Variants in MAP2K5 observed in about 807,000 individuals in gnomAD.
The protein encoded by MAP2K5 is dual specificity mitogen-activated protein kinase kinase 5.
Under a neutral mutation model 83.1 loss-of-function variants are expected in MAP2K5, and 49 were observed. The ratio of observed to expected loss-of-function variants is 0.59; its 90% CI spans 0.47 to 0.75. The LOEUF is 0.75. MAP2K5 is among the 30% of genes least tolerant of loss of function. The pLI is 0.00. For missense variants in MAP2K5, 457 were observed against 557.5 expected (o/e 0.82, Z 1.82); for synonymous variants, 202 against 191.8 (o/e 1.05, Z -0.44).
intron 17 of MAP2K5, among the ~76,000 whole-genome samples, chr15:67,741,707 G>A (rs1438619599): frequency 2.0e-5 from 3 of 152,060 alleles, no homozygotes; most frequent in Non-Finnish European, 4.4e-5. Context: ...GAAGGATAGA[G>A]GGCAACCAAA....
intron 8 of MAP2K5, among the ~76,000 whole-genome samples, chr15:67,613,899 C>CTATTTAGTGTTCTAGAAGAGGT (rs375923959): frequency 1.1e-3 from 168 of 152,148 alleles, no homozygotes; most frequent in African/African-American, 4.0e-3. Context: ...CACTAGGGTA[C>CTATTTAGTGTTCTAGAAGAGGT]TATTTAGTGT....
In MAP2K5 at chr15:67,778,792, C is replaced by T. The variant is rs376317961; in HGVS notation, c.1242+6040C>T. 3.3e-5 allele frequency among the ~76,000 whole-genome samples: 5 copies of T among 152,204 alleles called. No homozygotes were observed. The highest frequency in any genetic ancestry group is 2.1e-4 in the South Asian group (1 of 4,822). ...AGATAAGTTTCGGTTTACTTTGATC[C>T]GGGGCTTACCTGTGCCCTGAGCGCA... On this transcript the variant is annotated intron_variant, in intron 21 of 21. Coordinates refer to ENST00000178640, the MANE Select transcript of MAP2K5 (RefSeq NM_145160.3). This position sits in a 1 kb window ranked among gnomAD's most constrained non-coding sequence, Gnocchi z 5.0.
chr15:67,795,569 G>A (rs1013942484), intron 21 of MAP2K5, among the ~76,000 whole-genome samples: 1 of 152,116 alleles, frequency 6.6e-6, no homozygotes, highest in Non-Finnish European at 1.5e-5. Flanking sequence ...AATCCACTGT[G>A]GTCAGAGAGC....
rs1458106154 is a variant in MAP2K5, at chr15:67,764,056, C to G, written c.1135-5546C>G. ...CACCTGTTGGCTTGGTGGCTTGACA[C>G]CGTAAGTCTAGAAGTGGGCTATTAA... is the stretch of plus-strand genomic sequence containing the variant. On this transcript the variant is annotated intron_variant, in intron 19 of 21. Coordinates refer to ENST00000178640, the MANE Select transcript of MAP2K5 (RefSeq NM_145160.3). This position sits in a 1 kb window ranked among gnomAD's most constrained non-coding sequence, Gnocchi z 4.9. 6.6e-6 allele frequency among the ~76,000 whole-genome samples: 1 copy of G among 152,182 alleles called. No individual in the cohort carries two copies. The highest frequency in any genetic ancestry group is 1.5e-5 in the Non-Finnish European group (1 of 68,032).
chr15:67,696,757 C>A (rs2088273216), intron 15 of MAP2K5, among the ~76,000 whole-genome samples: 1 of 152,204 alleles, frequency 6.6e-6, no homozygotes, highest in African/African-American at 2.4e-5. Context: ...GCAGGCAGAT[C>A]ACCTGAGGTC....
rs1274282486 is a variant in MAP2K5 at position 67,780,102 on chromosome 15, G to T, written c.1242+7350G>T. Among the ~76,000 whole-genome samples, 1 of 152,034 alleles carries T rather than the reference G, an allele frequency of 6.6e-6. No homozygotes were observed. Among genetic ancestry groups the T allele is most frequent in the Non-Finnish European group, 1.5e-5 (1 of 67,986 alleles). On this transcript the variant is annotated intron_variant, in intron 21 of 21. Transcript: ENST00000178640. The surrounding 1 kb of genome is among the most constrained non-coding windows in gnomAD (Gnocchi z 5.0). ...TTCAGCATGTATTGTGTCTAGGTTG[G>T]AACAGCATTTAATTATATATTCATC...
At chr15:67,806,049 C>T (rs1283531963) in intron 21 of MAP2K5, among the ~76,000 whole-genome samples, 1 of 152,206 alleles carries the variant, frequency 6.6e-6, no homozygotes, top group East Asian at 1.9e-4. Flanking sequence ...GAGTCCAGCC[C>T]CCAATGGAAC....
chr15:67,748,493 G>A lies in MAP2K5; in HGVS notation c.1102-76G>A. On this transcript the variant is annotated intron_variant, in intron 18 of 21. Transcript: ENST00000178640. This position sits in a 1 kb window ranked among gnomAD's most constrained non-coding sequence, Gnocchi z 4.0. ...TCTTGCTATATTTTATTGCATTAAT[G>A]ATTTTTTCTTTCCACTCCACTGTAA... 7.8e-7 allele frequency: 1 copy of A among 1,280,354 alleles called. No individual in the cohort carries two copies. The highest frequency in any genetic ancestry group is 1.1e-6 in the Non-Finnish European group (1 of 892,582). 79.3% of individuals were successfully genotyped at this position (1,280,354 alleles called of 1,614,324 possible).
At chr15:67,590,199 A>G (rs925611388) in intron 6 of MAP2K5, among the ~76,000 whole-genome samples, 1 of 152,182 alleles carries the variant, frequency 6.6e-6, no homozygotes, top group African/African-American at 2.4e-5. Flanking sequence ...TCCATAGTTT[A>G]CATTTGACCA....
intron 4 of MAP2K5, 43 bp from the exon 5 acceptor site, chr15:67,585,847 A>T (rs376174344): frequency 1.9e-6 from 3 of 1,570,610 alleles, no homozygotes; most frequent in Non-Finnish European, 2.6e-6. Flanking sequence ...AAATTTGTAA[A>T]TGGCCCTGAT....
chr15:67,643,128 T>TA (rs937330919), intron 9 of MAP2K5, among the ~76,000 whole-genome samples: 6 of 151,996 alleles, frequency 3.9e-5, no homozygotes, highest in Non-Finnish European at 5.9e-5. Context: ...GTGCCCTAGG[T>TA]ATTACGATAT....
At chr15:67,761,082 G>A (rs1322405203) in intron 19 of MAP2K5, among the ~76,000 whole-genome samples, 3 of 151,980 alleles carry the variant, frequency 2.0e-5, no homozygotes, top group Non-Finnish European at 4.4e-5. Flanking sequence ...TCCAGGGAGT[G>A]TAAGTTCCTT....
intron 16 of MAP2K5, among the ~76,000 whole-genome samples, chr15:67,727,708 T>C (rs1265244934): frequency 1.3e-5 from 2 of 152,244 alleles, no homozygotes; most frequent in African/African-American, 4.8e-5. Context: ...TAAAATATTT[T>C]ATCAGGGGTG....
chr15:67,543,051 A>C lies in MAP2K5; in HGVS notation c.-285A>C. On this transcript the variant is annotated 5_prime_UTR_variant, in exon 1 of 22. Coordinates refer to ENST00000178640, the MANE Select transcript of MAP2K5 (RefSeq NM_145160.3). This position sits in a 1 kb window ranked among gnomAD's most constrained non-coding sequence, Gnocchi z 4.3. ...GAGACCTTCACCATAGCGTTCGCTCAACTCCAGAACCTTCCGACCTCCGCT... is the reference window on the plus strand; with the variant it reads ...GAGACCTTCACCATAGCGTTCGCTCCACTCCAGAACCTTCCGACCTCCGCT... The C allele has an allele frequency of 2.2e-6, 1 of 464,048 alleles. No homozygotes were observed. The highest frequency in any genetic ancestry group is 4.0e-6 in the Non-Finnish European group (1 of 253,040). The allele number at this position is 464,048 out of a possible 1,614,324, so 28.7% of individuals were successfully genotyped here.
At position 67,676,855 on chromosome 15, in the gene MAP2K5, A is replaced by G. The variant is rs569262707; in HGVS notation, c.847+12210A>G. Reference sequence around the variant, plus strand: ...GGTGGCCTAATGGAAAAGCTCTAGTATGAGGGTCAGACCCAGGTTTAAGTT... The same window carrying G: ...GGTGGCCTAATGGAAAAGCTCTAGTGTGAGGGTCAGACCCAGGTTTAAGTT... On this transcript the variant is annotated intron_variant, in intron 13 of 21. Coordinates refer to ENST00000178640, the MANE Select transcript of MAP2K5 (RefSeq NM_145160.3). The surrounding 1 kb of genome is among the most constrained non-coding windows in gnomAD (Gnocchi z 4.8). Among the ~76,000 whole-genome samples the G allele has an allele frequency of 6.6e-6, 1 of 152,296 alleles. No individual in the cohort carries two copies. The highest frequency in any genetic ancestry group is 2.4e-5 in the African/African-American group (1 of 41,564).
At chr15:67,696,122 C>T (rs1220460065) in intron 15 of MAP2K5, among the ~76,000 whole-genome samples, 1 of 86,050 alleles carries the variant, frequency 1.2e-5, no homozygotes, top group Non-Finnish European at 2.2e-5. Context: ...GAGAAAAGAG[C>T]TGAGCTTTTT....
intron 12 of MAP2K5, 133 bp downstream of exon 12, chr15:67,658,747 C>T (rs2087154517): frequency 1.3e-6 from 1 of 757,208 alleles, no homozygotes; most frequent in Admixed American, 1.9e-5. Flanking sequence ...TTGATTTTCT[C>T]CTGTTTTGTT....
chr15:67,689,087 CTTAGTATAAA>C (rs1296684814), intron 13 of MAP2K5, among the ~76,000 whole-genome samples: 1 of 152,124 alleles, frequency 6.6e-6, no homozygotes, highest in Non-Finnish European at 1.5e-5. Context: ...TTAAGTAACT[CTTAGTATAAA>C]ATGTCGTTAA....
At chr15:67,570,879 A>G (rs1239206734) in intron 3 of MAP2K5, among the ~76,000 whole-genome samples, 4 of 152,230 alleles carry the variant, frequency 2.6e-5, no homozygotes, top group Non-Finnish European at 5.9e-5. Flanking sequence ...TATGAAAAAA[A>G]CAGCATGAGT....
Sources: gnomAD v4.1 joint callset for allele counts (sites outside exome capture counted in the v4.1 genomes callset) on GRCh38, gnomAD v4.1.1 for gene constraint, Gnocchi (gnomAD v3.1) non-coding constraint, MANE v1.5 for transcripts, NCBI Gene and HGNC (gene_info 2026-07-23, HGNC 2026-07-21) for gene names.